CACHD1: variants seen among roughly 807,000 people sequenced by gnomAD.
CACHD1 encodes the protein cache domain containing 1, also known as VWFA and cache domain-containing protein 1.
CACHD1 carries 71 observed loss-of-function variants against 138.7 expected under a neutral mutation model. The observed-to-expected ratio is 0.51, with a 90% CI of 0.42 to 0.62. The LOEUF (loss-of-function observed/expected upper bound fraction) is 0.62, where lower values mean the gene tolerates loss of function less well. CACHD1 is among the 20% of genes least tolerant of loss of function. The pLI is 0.00. For missense variants in CACHD1, 1,389 were observed against 1,625.3 expected, an observed-to-expected ratio of 0.85 and a Z score of 2.50; for synonymous variants, 578 against 591.5, an observed-to-expected ratio of 0.98 and a Z score of 0.33.
chr1:64,505,842 C>A, intron 1 of CACHD1: 1 of 142,402 alleles, frequency 7.0e-6, no homozygotes, highest in South Asian at 2.0e-4. Context: ...CTTTGTTCCC[C>A]GGCCTCGCCC....
chr1:64,530,596 T>C (rs1306956346), intron 1 of CACHD1, among the ~76,000 whole-genome samples: 1 of 151,898 alleles, frequency 6.6e-6, no homozygotes, highest in East Asian at 1.9e-4. Context: ...GAGCGCCAGG[T>C]GCGGTGGCTC....
At chr1:64,649,864 A>T (rs1051918406) in intron 9 of CACHD1, among the ~76,000 whole-genome samples, 3 of 152,130 alleles carry the variant, frequency 2.0e-5, no homozygotes, top group Non-Finnish European at 2.9e-5. Flanking sequence ...TGGTTTGCAG[A>T]TCTATTGAAT....
chr1:64,594,383 G>A (rs1647133302), intron 3 of CACHD1, among the ~76,000 whole-genome samples: 1 of 152,054 alleles, frequency 6.6e-6, no homozygotes, highest in Admixed American at 6.6e-5. Context: ...AATTAGAATG[G>A]CTCATCTGCC....
intron 1 of CACHD1, among the ~76,000 whole-genome samples, chr1:64,524,764 T>C (rs2100384816): frequency 6.6e-6 from 1 of 152,312 alleles, no homozygotes; most frequent in Admixed American, 6.5e-5. Context: ...CAAAAATAAC[T>C]CTGGAAGCAA....
chr1:64,494,711 A>G (rs1007646139), intron 1 of CACHD1, among the ~76,000 whole-genome samples: 6 of 152,204 alleles, frequency 3.9e-5, no homozygotes, highest in Non-Finnish European at 8.8e-5. Context: ...AAAATCTCCT[A>G]AGAACCACGT....
At chr1:64,481,898 TTTTA>T (rs1012726331) in intron 1 of CACHD1, among the ~76,000 whole-genome samples, 27 of 152,312 alleles carry the variant, frequency 1.8e-4, no homozygotes, top group African/African-American at 6.3e-4. Flanking sequence ...CTTACAGTAG[TTTTA>T]TTTCCATGTC....
At chr1:64,512,357 G>A (rs12756007) in intron 1 of CACHD1, among the ~76,000 whole-genome samples, 3,198 of 133,264 alleles carry the variant, frequency 0.024, 48 homozygotes, top group Non-Finnish European at 0.035. Flanking sequence ...TTGCACCACT[G>A]CACTCCAGCC....
chr1:64,683,056 A>G (rs1441801698), intron 26 of CACHD1, among the ~76,000 whole-genome samples: 1 of 152,118 alleles, frequency 6.6e-6, no homozygotes, highest in Non-Finnish European at 1.5e-5. Context: ...CAAACCTTGT[A>G]TTCCCTGTAT....
chr1:64,675,485 A>T lies in CACHD1; in HGVS notation c.2812A>T (p.Ile938Phe). ...CCCAGGAACCAACGCGTTTGTTGGCATTGTCAACGAAACCTGCGACTCTCT... is the reference window on the plus strand; with the variant it reads ...CCCAGGAACCAACGCGTTTGTTGGCTTTGTCAACGAAACCTGCGACTCTCT... ...RIPGTNAFVGIVNETCDSLAF... is the reference protein window; with the variant it reads ...RIPGTNAFVGFVNETCDSLAF... Residue 938 changes from isoleucine (I) to phenylalanine (F), a missense_variant, in exon 20 of 27, where the codon ATT becomes TTT. Ile to Phe is a conservative substitution (Grantham distance 21). Around this residue, in one of 5 missense-constraint regions of CACHD1, gnomAD observed 50 missense variants for 108.2 expected, o/e 0.46. Transcript: ENST00000651257. 1.9e-6 allele frequency: 3 copies of T among 1,613,776 alleles called. No homozygotes were observed. Among genetic ancestry groups the T allele is most frequent in the South Asian group, 2.2e-5 (2 of 91,068 alleles).
At chr1:64,532,353 C>T (rs1042653961) in intron 1 of CACHD1, among the ~76,000 whole-genome samples, 2 of 152,184 alleles carry the variant, frequency 1.3e-5, no homozygotes, top group African/African-American at 2.4e-5. Flanking sequence ...AAAAAGCCCT[C>T]GTGCTCATGC....
intron 4 of CACHD1, among the ~76,000 whole-genome samples, chr1:64,608,360 A>G (rs1647405676): frequency 6.6e-6 from 1 of 152,076 alleles, no homozygotes; most frequent in South Asian, 2.1e-4. Flanking sequence ...CCCTTTTCAG[A>G]GCAGAATTAA....
chr1:64,585,569 A>T (rs938442306), intron 3 of CACHD1, among the ~76,000 whole-genome samples: 1 of 152,236 alleles, frequency 6.6e-6, no homozygotes, highest in Non-Finnish European at 1.5e-5. Context: ...CCTGACCAGG[A>T]GTAGTTGACA....
At chr1:64,593,115 G>A (rs151188832) in intron 3 of CACHD1, among the ~76,000 whole-genome samples, 204 of 152,312 alleles carry the variant, frequency 1.3e-3, no homozygotes, top group Non-Finnish European at 2.5e-3. Context: ...GGAGTTGCAC[G>A]TAGATCATTC....
At chr1:64,611,019 C>T (rs941317369) in intron 4 of CACHD1, among the ~76,000 whole-genome samples, 3 of 152,238 alleles carry the variant, frequency 2.0e-5, no homozygotes, top group African/African-American at 7.2e-5. Context: ...CCTGCCAAGA[C>T]TTGGGGCTTG....
At chr1:64,582,369 C>T (rs1431507853) in intron 3 of CACHD1, 65 bp downstream of exon 3, 3 of 1,403,302 alleles carry the variant, frequency 2.1e-6, no homozygotes, top group East Asian at 4.6e-5. Flanking sequence ...CATTTCATTT[C>T]ATATTCAAAA....
At chr1:64,540,937 A>G (rs1312100067) in intron 1 of CACHD1, among the ~76,000 whole-genome samples, 2 of 152,158 alleles carry the variant, frequency 1.3e-5, no homozygotes, top group Non-Finnish European at 2.9e-5. Context: ...GGAATTCATA[A>G]TTTGAGTTCT....
At chr1:64,480,400 A>G (rs970205903) in intron 1 of CACHD1, among the ~76,000 whole-genome samples, 3 of 152,126 alleles carry the variant, frequency 2.0e-5, no homozygotes, top group African/African-American at 7.2e-5. Flanking sequence ...TTCTCTTAGA[A>G]TGAAAAAGAA....
chr1:64,592,779 G>T (rs905503100), intron 3 of CACHD1, among the ~76,000 whole-genome samples: 9 of 152,098 alleles, frequency 5.9e-5, no homozygotes, highest in Admixed American at 4.6e-4. Flanking sequence ...AATAAATTAC[G>T]GTAGAAGGGC....
intron 26 of CACHD1, among the ~76,000 whole-genome samples, chr1:64,688,355 T>A (rs776242646): frequency 6.6e-6 from 1 of 152,110 alleles, no homozygotes; most frequent in African/African-American, 2.4e-5. Flanking sequence ...AATCTAACAC[T>A]CCAGACTTAG....
Sources: allele counts gnomAD v4.1 joint callset (sites outside exome capture counted in the v4.1 genomes callset), GRCh38; gene constraint gnomAD v4.1.1; regional missense constraint gnomAD v4.1.1; transcripts MANE v1.5; gene names NCBI Gene and HGNC (gene_info 2026-07-23, HGNC 2026-07-21).